DHX8: variants seen among roughly 807,000 people sequenced by gnomAD.
The protein encoded by DHX8 is ATP-dependent RNA helicase DHX8.
A neutral mutation model predicts 140.7 loss-of-function variants in DHX8; 67 were observed. The observed-to-expected ratio is 0.48, with a 90% confidence interval of 0.39 to 0.58. The LOEUF is 0.58. Ranked by LOEUF, DHX8 falls within the 20% of genes least tolerant of loss-of-function variation. The pLI is 0.00. For missense variants in DHX8, 887 were observed against 1,550.7 expected (o/e 0.57, Z 7.19); for synonymous variants, 533 against 553.2 (o/e 0.96, Z 0.51).
chr17:43,484,215 G>T (rs994215640), intron 1 of DHX8, 30 bp downstream of exon 1: 2 of 1,594,736 alleles, frequency 1.3e-6, no homozygotes, highest in Non-Finnish European at 1.7e-6. Context: ...TGGGACCTCA[G>T]TTTGGGATTG....
chr17:43,511,209 A>G (rs1969806353), intron 16 of DHX8, among the ~76,000 whole-genome samples: 1 of 151,934 alleles, frequency 6.6e-6, no homozygotes, highest in Admixed American at 6.6e-5. Context: ...GGGTGCCTGT[A>G]ATCCCAGCTA....
chr17:43,502,571 C>T (rs973466141), intron 11 of DHX8, among the ~76,000 whole-genome samples: 25 of 151,952 alleles, frequency 1.6e-4, no homozygotes, highest in African/African-American at 5.8e-4. Context: ...TACAGGTGAC[C>T]GCCACCACGC....
intron 9 of DHX8, among the ~76,000 whole-genome samples, chr17:43,497,441 T>C (rs1397097533): frequency 6.6e-6 from 1 of 152,198 alleles, no homozygotes; most frequent in Admixed American, 6.6e-5. Context: ...AATGTTCTTT[T>C]TTCCCTAAAT....
chr17:43,541,870 A>C (rs1971540591), intron 3 of DHX8, among the ~76,000 whole-genome samples: 1 of 152,188 alleles, frequency 6.6e-6, no homozygotes, highest in South Asian at 2.1e-4. Flanking sequence ...AGAAGGAGGC[A>C]TTGTAGCTGG....
Position 43,520,165 on chromosome 17 carries a change from C to T in DHX8, c.2835C>T (p.Phe945=). The T allele has an allele frequency of 6.2e-7, 1 of 1,614,180 alleles. No individual in the cohort carries two copies. The highest frequency in any genetic ancestry group is 8.5e-7 in the Non-Finnish European group (1 of 1,180,036). ...TCAATGATCTGCTGTCCTTTGATTTCATGGATGCCCCACCTATGGAAACTT... is the reference window on the plus strand; with the variant it reads ...TCAATGATCTGCTGTCCTTTGATTTTATGGATGCCCCACCTATGGAAACTT... The part of the protein sequence containing the change: ...MGINDLLSFD[F]MDAPPMETLI... The change falls in exon 19 of 23, where the codon TTC becomes TTT. Residue 945 remains phenylalanine (F), a synonymous_variant. Transcript: ENST00000262415.
intron 1 of DHX8, among the ~76,000 whole-genome samples, chr17:43,488,470 G>C (rs1008062777): frequency 1.3e-5 from 2 of 150,268 alleles, no homozygotes; most frequent in Non-Finnish European, 3.0e-5. Context: ...AATTAGCCAG[G>C]CGTGGTGGTG....
chr17:43,510,033 T>TTTTGTTTG (rs72490644), intron 16 of DHX8, among the ~76,000 whole-genome samples: 254 of 151,222 alleles, frequency 1.7e-3, no homozygotes, highest in Non-Finnish European at 2.6e-3. Flanking sequence ...ATTTACTGTT[T>TTTTGTTTG]TTTGTTTGTT....
chr17:43,535,702 C>G (rs1971204627), intron 2 of DHX8, among the ~76,000 whole-genome samples: 5 of 152,192 alleles, frequency 3.3e-5, no homozygotes, highest in Admixed American at 3.3e-4. Flanking sequence ...GCCTCTCTAT[C>G]CACTAGACAC....
Position 43,508,481 on chromosome 17 carries a change from G to A in DHX8, c.2463G>A (p.Gln821=). 26 of 1,613,274 alleles carry A rather than the reference G, an allele frequency of 1.6e-5. No individual in the cohort carries two copies. Among genetic ancestry groups the A allele is most frequent in the Non-Finnish European group, 2.0e-5 (24 of 1,179,748 alleles). The stretch of plus-strand genomic sequence containing the variant: ...ACTCTGCTCTTCCCAGTGAGATGCA[G>A]ACCCGAATCTTTGACCCAGCTCCAC... ...PVYSALPSEM[Q]TRIFDPAPPG... Residue 821 remains glutamine (Q), a synonymous_variant, in exon 16 of 23, where the codon CAG becomes CAA. Coordinates refer to ENST00000262415, the MANE Select transcript of DHX8 (RefSeq NM_004941.3).
At chr17:43,540,277 A>G (rs1209774560) in intron 3 of DHX8, among the ~76,000 whole-genome samples, 1 of 152,032 alleles carries the variant, frequency 6.6e-6, no homozygotes, top group Non-Finnish European at 1.5e-5. Flanking sequence ...ATGTGGCGAA[A>G]CCCCATCTCT....
chr17:43,530,594 C>T (rs908581054), downstream of DHX8, among the ~76,000 whole-genome samples: 2 of 133,756 alleles, frequency 1.5e-5, no homozygotes, highest in Non-Finnish European at 3.2e-5. Flanking sequence ...AGGTTCCCAG[C>T]CCTGTGCACG....
At chr17:43,501,290 G>A (rs1969181268) in intron 11 of DHX8, among the ~76,000 whole-genome samples, 1 of 152,092 alleles carries the variant, frequency 6.6e-6, no homozygotes, top group Admixed American at 6.6e-5. Flanking sequence ...GTTCCAGCCT[G>A]AGGAGTAGCC....
At chr17:43,503,496 TA>T (rs76447742) in intron 11 of DHX8, among the ~76,000 whole-genome samples, 670 of 127,404 alleles carry the variant, frequency 5.3e-3, no homozygotes, top group Middle Eastern at 0.012. Flanking sequence ...AAACTCCATC[TA>T]AAAAAAAAAA....
chr17:43,521,010 G>C (rs1464433293), intron 20 of DHX8, 131 bp downstream of exon 20: 9 of 879,828 alleles, frequency 1.0e-5, no homozygotes, highest in Non-Finnish European at 1.4e-5. Context: ...TCACTCTGTT[G>C]CCCAGGCTGG....
chr17:43,533,278 G>C, intron 2 of DHX8: 1 of 1,613,954 alleles, frequency 6.2e-7, no homozygotes, highest in Non-Finnish European at 8.5e-7. Context: ...GGAAAGGGCT[G>C]TAGGGGCGAC....
downstream of DHX8, chr17:43,527,996 A>G (rs1970669798): frequency 1.7e-5 from 4 of 234,010 alleles, no homozygotes; most frequent in Admixed American, 5.6e-5. Context: ...AGCACCCCTC[A>G]TCCCAGGTTC....
chr17:43,527,632 TCA>T (rs1422463197), downstream of DHX8, among the ~76,000 whole-genome samples: 5 of 152,236 alleles, frequency 3.3e-5, no homozygotes, highest in African/African-American at 1.2e-4. Flanking sequence ...TTCTGGATCC[TCA>T]CACAGTAATG....
intron 3 of DHX8, among the ~76,000 whole-genome samples, chr17:43,542,701 T>A (rs1277467927): frequency 1.3e-5 from 2 of 152,172 alleles, no homozygotes; most frequent in African/African-American, 2.4e-5. Context: ...CGCAGGACAC[T>A]GAACCTGCAA....
Position 43,496,023 on chromosome 17 carries a change from A to C in DHX8, c.1213-158A>C, listed in dbSNP as rs75235925. The stretch of plus-strand genomic sequence containing the variant: ...TGAGGTAGGAGGATTGGTTGAGCCC[A>C]GGAGTTTGAGGTTGCAGTGAGCTTT... On this transcript the variant is annotated intron_variant, in intron 8 of 22. Transcript: ENST00000262415. 8.7e-3 allele frequency among the ~76,000 whole-genome samples: 1,322 copies of C among 152,228 alleles called. 25 individuals are homozygous for C. Among genetic ancestry groups the C allele is most frequent in the African/African-American group, 0.031 (1,269 of 41,532 alleles).
Sources: gnomAD v4.1 joint callset for allele counts (sites outside exome capture counted in the v4.1 genomes callset) on GRCh38, gnomAD v4.1.1 for gene constraint, MANE v1.5 for transcripts, NCBI Gene and HGNC (gene_info 2026-07-23, HGNC 2026-07-21) for gene names.